The following RANBP2 variants were observed in gnomAD, a reference collection of about 807,000 sequenced individuals.
RANBP2 encodes RAN binding protein 2.
RANBP2 carries 57 observed loss-of-function variants against 303.6 expected under a neutral mutation model. The observed-to-expected ratio is 0.19, with a 90% CI of 0.15 to 0.23. The LOEUF is 0.23. Ranked by LOEUF, RANBP2 falls within the 10% of genes least tolerant of loss-of-function variation. The pLI is 1.00. For synonymous variants in RANBP2, 1,167 were observed against 1,301.5 expected (o/e 0.90, Z 2.23); for missense variants, 3,138 against 3,780.8 (o/e 0.83, Z 4.46).
At chr2:109,555,848 C>T in the RANBP2 span, among the ~76,000 whole-genome samples, 1 of 152,202 alleles carries the variant, frequency 6.6e-6, no homozygotes, top group African/African-American at 2.4e-5. Flanking sequence ...TCCTTTAAAA[C>T]AGTTTCTTGT....
At chr2:109,464,773 C>T in the RANBP2 span, among the ~76,000 whole-genome samples, 1 of 152,186 alleles carries the variant, frequency 6.6e-6, no homozygotes, top group Non-Finnish European at 1.5e-5. Context: ...TGGCCTACAC[C>T]AAAGTGGTAC....
the RANBP2 span, among the ~76,000 whole-genome samples, chr2:108,880,191 TAAAAAAAAAAA>T: frequency 6.8e-6 from 1 of 148,032 alleles, no homozygotes; most frequent in Admixed American, 6.7e-5. Context: ...CAGGGTAACT[TAAAAAAAAAAA>T]ACAACAACAA....
At chr2:108,760,398 T>C (rs1464114510) in intron 18 of RANBP2, among the ~76,000 whole-genome samples, 1 of 152,222 alleles carries the variant, frequency 6.6e-6, no homozygotes, top group African/African-American at 2.4e-5. Flanking sequence ...TGAACATTAA[T>C]GAGTTCATGG....
the RANBP2 span, among the ~76,000 whole-genome samples, chr2:109,701,262 G>A: frequency 6.6e-6 from 1 of 152,174 alleles, no homozygotes; most frequent in Admixed American, 6.5e-5. Context: ...TTTTCCCTTC[G>A]AACCTTGTTA....
the RANBP2 span, among the ~76,000 whole-genome samples, chr2:109,164,482 C>T: frequency 6.6e-6 from 1 of 152,186 alleles, no homozygotes; most frequent in Non-Finnish European, 1.5e-5. Context: ...CAGTATTTGG[C>T]CCTATTTAAT....
chr2:109,293,043 A>T, the RANBP2 span, among the ~76,000 whole-genome samples: 8 of 152,146 alleles, frequency 5.3e-5, no homozygotes, highest in Non-Finnish European at 1.2e-4. Context: ...TGACATTTAA[A>T]TGGCATCTGT....
At chr2:108,853,498 G>A in the RANBP2 span, among the ~76,000 whole-genome samples, 3 of 150,906 alleles carry the variant, frequency 2.0e-5, no homozygotes, top group Non-Finnish European at 3.0e-5. Context: ...AACTTTATCT[G>A]ATAGAATTAT....
chr2:109,446,061 G>A, the RANBP2 span, among the ~76,000 whole-genome samples: 2 of 152,266 alleles, frequency 1.3e-5, no homozygotes, highest in Admixed American at 1.3e-4. Context: ...CAAAGAAGAT[G>A]TGGGCTACTT....
At chr2:108,835,725 A>G in the RANBP2 span, among the ~76,000 whole-genome samples, 2 of 152,208 alleles carry the variant, frequency 1.3e-5, no homozygotes, top group African/African-American at 2.4e-5. Context: ...TTGTCCTTCA[A>G]CAGCTCTCCA....
At chr2:109,024,806 T>G in the RANBP2 span, among the ~76,000 whole-genome samples, 1 of 152,264 alleles carries the variant, frequency 6.6e-6, no homozygotes, top group African/African-American at 2.4e-5. Flanking sequence ...ATTGTTTATC[T>G]AAATATTTTA....
At chr2:109,214,020 T>TG in the RANBP2 span, among the ~76,000 whole-genome samples, 20 of 152,214 alleles carry the variant, frequency 1.3e-4, no homozygotes, top group Middle Eastern at 3.4e-3. Flanking sequence ...GGAGGAGCTC[T>TG]GAGACCAGCC....
chr2:109,190,669 A>G, the RANBP2 span, among the ~76,000 whole-genome samples: 23 of 152,130 alleles, frequency 1.5e-4, no homozygotes, highest in African/African-American at 5.6e-4. Context: ...TCTACAGTCT[A>G]TGTGCATTTA....
chr2:109,059,641 A>T, the RANBP2 span, among the ~76,000 whole-genome samples: 1 of 150,864 alleles, frequency 6.6e-6, no homozygotes, highest in African/African-American at 2.4e-5. Flanking sequence ...ACTCCTGCCA[A>T]CTCCAGCCAC....
At chr2:108,744,009 C>T (rs562128352) in intron 7 of RANBP2, among the ~76,000 whole-genome samples, 71 of 152,278 alleles carry the variant, frequency 4.7e-4, no homozygotes, top group Non-Finnish European at 7.4e-4. Context: ...ACTTTTATGG[C>T]AAGATTTTCA....
the RANBP2 span, among the ~76,000 whole-genome samples, chr2:109,230,832 A>G: frequency 6.6e-6 from 1 of 152,246 alleles, no homozygotes; most frequent in Non-Finnish European, 1.5e-5. Flanking sequence ...AAAAAATTCC[A>G]CTTCATTTCT....
chr2:109,022,070 G>C, the RANBP2 span, among the ~76,000 whole-genome samples: 1 of 151,872 alleles, frequency 6.6e-6, no homozygotes, highest in Non-Finnish European at 1.5e-5. Context: ...GTGTGCCCCA[G>C]CTTGCTTGTT....
At chr2:109,296,221 C>T in the RANBP2 span, among the ~76,000 whole-genome samples, 1 of 151,324 alleles carries the variant, frequency 6.6e-6, no homozygotes, top group African/African-American at 2.4e-5. Context: ...ACAGAATGAC[C>T]TAGTATTATT....
chr2:108,905,856 G>A, the RANBP2 span, among the ~76,000 whole-genome samples: 2 of 147,332 alleles, frequency 1.4e-5, no homozygotes, highest in Admixed American at 1.3e-4. Context: ...GAAGGCCGCT[G>A]GGAGGGGAGG....
the RANBP2 span, among the ~76,000 whole-genome samples, chr2:108,912,493 C>A: frequency 6.6e-6 from 1 of 152,190 alleles, no homozygotes; most frequent in Admixed American, 6.5e-5. Context: ...GAGGGATCAA[C>A]TCTGATTGCA....
Sources: allele counts gnomAD v4.1 joint callset (sites outside exome capture counted in the v4.1 genomes callset), GRCh38; gene constraint gnomAD v4.1.1; transcripts MANE v1.5; gene names NCBI Gene and HGNC (gene_info 2026-07-23, HGNC 2026-07-21).